Variants in GTF2A2 observed in about 807,000 individuals in gnomAD.
GTF2A2 encodes the protein transcription initiation factor IIA subunit 2.
In GTF2A2, 9 loss-of-function variants were observed where a neutral mutation model predicts 14.3. That is an observed-to-expected ratio of 0.63 (90% CI 0.38 to 1.10). GTF2A2 has a LOEUF of 1.10. Among genes scored for constraint, GTF2A2 ranks in the 50% least tolerant of loss-of-function variants. GTF2A2 has a pLI of 0.01. For synonymous variants in GTF2A2, 56 were observed against 46.0 expected (o/e 1.22, Z -0.88); for missense variants, 90 against 124.6 (o/e 0.72, Z 1.32).
rs532232504 is a variant in GTF2A2, at chr15:59,654,282, C to T, written c.-49-1956G>A. Among the ~76,000 whole-genome samples the T allele has an allele frequency of 1.2e-4, 18 of 152,310 alleles. No individual in the cohort carries two copies. In the South Asian group the frequency reaches 1.9e-3, roughly 16 times the overall value. Reference sequence around the variant, plus strand: ...ACCCTCTCACTCTGCTCTGGTCATACTGGTCCCCTGCTGTTCTTTGACAGG... The same window carrying T: ...ACCCTCTCACTCTGCTCTGGTCATATTGGTCCCCTGCTGTTCTTTGACAGG... On this transcript the variant is annotated intron_variant, in intron 1 of 4. Transcript: ENST00000396060.
intron 4 of GTF2A2, 140 bp from the exon 5 acceptor site, chr15:59,639,297 A>C: frequency 1.5e-6 from 1 of 663,130 alleles, no homozygotes; most frequent in Middle Eastern, 3.0e-4. Flanking sequence ...GAACAGGAGG[A>C]AAGGTGACAC....
In GTF2A2 at chr15:59,657,489, T is replaced by TC. The variant is rs1182525689; in HGVS notation, c.-134dup. On this transcript the variant is annotated 5_prime_UTR_variant, in exon 1 of 5. Transcript: ENST00000396060. Reference sequence around the variant, plus strand: ...AGGTTCCTACTTCTCCGACCACCTCTCCAGCCGCCGCAGAAACCGCAGAAC... The same window carrying TC: ...AGGTTCCTACTTCTCCGACCACCTCTCCCAGCCGCCGCAGAAACCGCAGAAC... The TC allele has an allele frequency of 2.6e-5, 4 of 152,268 alleles. No homozygotes were observed. The highest frequency in any genetic ancestry group is 2.0e-4 in the Admixed American group (3 of 15,280). 9.4% of individuals were successfully genotyped at this position (152,268 alleles called of 1,614,324 possible).
chr15:59,642,499 C>CCT (rs1333948870), intron 3 of GTF2A2, among the ~76,000 whole-genome samples: 9 of 152,280 alleles, frequency 5.9e-5, no homozygotes, highest in Middle Eastern at 3.4e-3. Context: ...TTGCAAATTA[C>CCT]TTACCTGAAA....
chr15:59,645,511 T>C (rs1247855182), intron 3 of GTF2A2, among the ~76,000 whole-genome samples: 2 of 152,200 alleles, frequency 1.3e-5, no homozygotes, highest in Non-Finnish European at 2.9e-5. Context: ...GCATTAGATT[T>C]AGCAAAAGTA....
At chr15:59,643,055 C>G (rs12907641) in intron 3 of GTF2A2, among the ~76,000 whole-genome samples, 1 of 148,558 alleles carries the variant, frequency 6.7e-6, no homozygotes, top group Admixed American at 6.8e-5. Context: ...TGTGAACCAC[C>G]GCGCCTGGCC....
rs540583632 is a variant in GTF2A2, at chr15:59,642,834, T to G, written c.178-572A>C. On this transcript the variant is annotated intron_variant, in intron 3 of 4. Coordinates refer to ENST00000396060, the MANE Select transcript of GTF2A2 (RefSeq NM_004492.3). ...CACGCTGGAGTGCAGTGGTGCGATC[T>G]TGGCTCACTGCAACCTCCACCTCCC... Among the ~76,000 whole-genome samples, 134 of 152,290 alleles carry G rather than the reference T, an allele frequency of 8.8e-4. 1 individual carries two copies. Among genetic ancestry groups the G allele is most frequent in the Admixed American group, 2.1e-3 (32 of 15,302 alleles).
At chr15:59,656,858 T>C (rs1055359135) in intron 1 of GTF2A2, 2 of 152,254 alleles carry the variant, frequency 1.3e-5, no homozygotes, top group Non-Finnish European at 2.9e-5. Flanking sequence ...CTTTTAGATG[T>C]GGTATCAGCC....
intron 3 of GTF2A2, among the ~76,000 whole-genome samples, chr15:59,648,852 T>G (rs1419673028): frequency 6.6e-6 from 1 of 152,000 alleles, no homozygotes; most frequent in Non-Finnish European, 1.5e-5. Context: ...GAGAATGGCG[T>G]GAACCCGGGA....
chr15:59,656,652 G>C (rs1319092810), intron 1 of GTF2A2, among the ~76,000 whole-genome samples: 2 of 152,184 alleles, frequency 1.3e-5, no homozygotes, highest in East Asian at 3.8e-4. Flanking sequence ...TGGGAGGGGA[G>C]AGGGGGTTAA....
intron 3 of GTF2A2, among the ~76,000 whole-genome samples, chr15:59,646,771 A>C (rs1891621380): frequency 6.6e-6 from 1 of 152,206 alleles, no homozygotes; most frequent in African/African-American, 2.4e-5. Flanking sequence ...ATCAAAGTGC[A>C]CATTAGCTAC....
chr15:59,639,179 A>G (rs1014033267), intron 4 of GTF2A2, 22 bp from the exon 5 acceptor site: 24 of 1,332,766 alleles, frequency 1.8e-5, no homozygotes, highest in Middle Eastern at 1.9e-4. Context: ...AAGAGAAAGT[A>G]AAGTAAAGTA....
chr15:59,654,206 G>C (rs1264194001), intron 1 of GTF2A2, among the ~76,000 whole-genome samples: 1 of 152,120 alleles, frequency 6.6e-6, no homozygotes, highest in African/African-American at 2.4e-5. Flanking sequence ...GGCTTGGAAG[G>C]CCTATGTGAT....
chr15:59,638,389 G>C lies in GTF2A2; in HGVS notation c.*743C>G, dbSNP rs544356495. 6.6e-6 allele frequency: 1 copy of C among 152,178 alleles called. No individual in the cohort carries two copies. The highest frequency in any genetic ancestry group is 1.9e-4 in the East Asian group (1 of 5,176). 9.4% of individuals were successfully genotyped at this position (152,178 alleles called of 1,614,324 possible). A position where few individuals can be genotyped will look rare whatever the true frequency, so the allele number is the denominator to read the frequency against. ...TGTATTTCTGCAAGCACAATCCACT[G>C]ACATAAAAGTCTAATAATTAGACTT... On this transcript the variant is annotated 3_prime_UTR_variant, in exon 5 of 5. Transcript: ENST00000396060.
intron 1 of GTF2A2, chr15:59,657,168 G>C (rs1451237846): frequency 6.6e-6 from 1 of 152,268 alleles, no homozygotes; most frequent in African/African-American, 2.4e-5. Context: ...CCCTAGGTGG[G>C]TTCTGTGGGC....
In GTF2A2 at chr15:59,638,855, C is replaced by A. The variant is rs570262088; in HGVS notation, c.*277G>T. The A allele has an allele frequency of 5.3e-4, 184 of 345,126 alleles. No homozygotes were observed. In the Middle Eastern group the frequency reaches 6.2e-3, roughly 12 times the overall value. 21.4% of individuals were successfully genotyped at this position (345,126 alleles called of 1,614,324 possible). A position where few individuals can be genotyped will look rare whatever the true frequency, so the allele number is the denominator to read the frequency against. On this transcript the variant is annotated 3_prime_UTR_variant, in exon 5 of 5. Coordinates refer to ENST00000396060, the MANE Select transcript of GTF2A2 (RefSeq NM_004492.3). ...TCATATTGCTACCTTAATAGCTTCACCAGTTATTACTCAGAGTTTTAAAAT... is the reference window on the plus strand; with the variant it reads ...TCATATTGCTACCTTAATAGCTTCAACAGTTATTACTCAGAGTTTTAAAAT...
At chr15:59,648,309 G>A (rs1380657184) in intron 3 of GTF2A2, among the ~76,000 whole-genome samples, 1 of 147,546 alleles carries the variant, frequency 6.8e-6, no homozygotes, top group Non-Finnish European at 1.5e-5. Flanking sequence ...TCAGGAGGCT[G>A]AGACAGAAGA....
chr15:59,638,659 A>AAAAGCAAGGGATTTTCTTAAAAAATTCC lies in GTF2A2; in HGVS notation c.*445_*472dup, dbSNP rs1891268001. 6.6e-6 allele frequency: 1 copy of AAAAGCAAGGGATTTTCTTAAAAAATTCC among 152,364 alleles called. No homozygotes were observed. The highest frequency in any genetic ancestry group is 2.4e-5 in the African/African-American group (1 of 41,442). The allele number at this position is 152,364 out of a possible 1,614,324, so 9.4% of individuals were successfully genotyped here. A position where few individuals can be genotyped will look rare whatever the true frequency, so the allele number is the denominator to read the frequency against. ...TGATTAACTTTGGTTTTGTATTTTA[A>AAAAGCAAGGGATTTTCTTAAAAAATTCC]AAAGCAAGGGATTTTCTTAAAAAAT... On this transcript the variant is annotated 3_prime_UTR_variant, in exon 5 of 5. Transcript: ENST00000396060.
chr15:59,641,328 T>TGTA (rs1450279499), intron 4 of GTF2A2, among the ~76,000 whole-genome samples: 3 of 152,214 alleles, frequency 2.0e-5, no homozygotes, highest in Non-Finnish European at 4.4e-5. Context: ...TGTGCTTTTT[T>TGTA]GTATTCTCTA....
chr15:59,642,368 TGCTTA>T (rs1891459640), intron 3 of GTF2A2, 106 bp from the exon 4 acceptor site: 26 of 939,384 alleles, frequency 2.8e-5, no homozygotes, highest in Middle Eastern at 2.4e-4. Flanking sequence ...ATAAGTTTAA[TGCTTA>T]GCTTAAGATT....
Sources: gnomAD v4.1 joint callset for allele counts (sites outside exome capture counted in the v4.1 genomes callset) on GRCh38, gnomAD v4.1.1 for gene constraint, MANE v1.5 for transcripts, NCBI Gene and HGNC (gene_info 2026-07-23, HGNC 2026-07-21) for gene names.